The following NOS1 variants were observed in gnomAD, a reference collection of about 807,000 sequenced individuals.
NOS1 encodes the protein NOS type I.
Under a neutral mutation model 164.5 loss-of-function variants are expected in NOS1, and 51 were observed. That is an observed-to-expected ratio of 0.31 (90% CI 0.25 to 0.39). The LOEUF is 0.39. Ranked by LOEUF, NOS1 falls within the 10% of genes least tolerant of loss-of-function variation. The pLI, the probability that NOS1 is intolerant of heterozygous loss-of-function variation, is 1.00. For synonymous variants in NOS1, 719 were observed against 745.8 expected (o/e 0.96, Z 0.59); for missense variants, 1,362 against 1,885.6 (o/e 0.72, Z 5.14).
chr12:117,326,041 T>C (rs1163319396), intron 2 of NOS1, among the ~76,000 whole-genome samples: 1 of 152,216 alleles, frequency 6.6e-6, no homozygotes, highest in Non-Finnish European at 1.5e-5. Flanking sequence ...TAAACTGCTA[T>C]CCATGAATTA....
rs537681945 is a variant in NOS1 at position 117,318,221 on chromosome 12, G to A, written c.726-6629C>T. On this transcript the variant is annotated intron_variant, in intron 2 of 28. Transcript: ENST00000317775. ...TGAGCTCTCCTCCTAGAGAGTTTGA[G>A]TAGTGGGTCTAGGAGGGAACCCTAG... Among the ~76,000 whole-genome samples the A allele has an allele frequency of 2.6e-5, 4 of 152,232 alleles. No homozygotes were observed. The South Asian group carries it at 8.3e-4, about 32-fold the overall frequency.
intron 2 of NOS1, among the ~76,000 whole-genome samples, chr12:117,313,501 G>C (rs1289877905): frequency 2.0e-5 from 3 of 152,100 alleles, no homozygotes; most frequent in Non-Finnish European, 1.5e-5. Context: ...TCACTGTGTT[G>C]TGCAAGCTGG....
At chr12:117,271,838 G>A (rs989470214) in intron 10 of NOS1, among the ~76,000 whole-genome samples, 4 of 152,174 alleles carry the variant, frequency 2.6e-5, no homozygotes, top group African/African-American at 9.6e-5. Flanking sequence ...ACTCAGCCCG[G>A]GAGGGAATCA....
intron 27 of NOS1, 64 bp downstream of exon 27, chr12:117,220,011 G>A: frequency 3.4e-6 from 5 of 1,484,850 alleles, no homozygotes; most frequent in Non-Finnish European, 4.6e-6. Flanking sequence ...CAGGTTGGAT[G>A]AAAAAGGGGG....
Position 117,208,818 on chromosome 12 carries a change from G to C in NOS1, c.*6491C>G. ...GCTCACTGCAGCCTCTGCCTCCTGG[G>C]TTCAAGTAATTCTCCTGCCTCAGCC... is the stretch of plus-strand genomic sequence containing the variant. On this transcript the variant is annotated 3_prime_UTR_variant, in exon 29 of 29. Transcript: ENST00000317775. The C allele has an allele frequency of 1.2e-6, 1 of 816,252 alleles. No homozygotes were observed. The highest frequency in any genetic ancestry group is 1.2e-4 in the East Asian group (1 of 8,010). 50.6% of individuals were successfully genotyped at this position (816,252 alleles called of 1,614,324 possible).
chr12:117,338,597 A>G (rs936803449), intron 1 of NOS1, among the ~76,000 whole-genome samples: 2 of 152,096 alleles, frequency 1.3e-5, no homozygotes, highest in African/African-American at 4.8e-5. Context: ...CATGTACCCT[A>G]AAACTTAAAG....
chr12:117,270,851 C>CAAGAG (rs1872740647), intron 10 of NOS1, among the ~76,000 whole-genome samples: 1 of 152,044 alleles, frequency 6.6e-6, no homozygotes, highest in Non-Finnish European at 1.5e-5. Context: ...GCCTGGCCAA[C>CAAGAG]ATGGTGAAAC....
At chr12:117,304,936 T>C in intron 3 of NOS1, 1 of 877,238 alleles carries the variant, frequency 1.1e-6, no homozygotes, top group Non-Finnish European at 1.4e-6. Context: ...TGTTAGGAAG[T>C]TCTTCCTCAT....
At position 117,220,063 on chromosome 12, in the gene NOS1, C is replaced by T; in HGVS notation, c.4170+12G>A. The T allele has an allele frequency of 6.3e-7, 1 of 1,593,310 alleles. No individual in the cohort carries two copies. The highest frequency in any genetic ancestry group is 2.2e-5 in the East Asian group (1 of 44,632). On this transcript the variant is annotated intron_variant, in intron 27 of 28. Coordinates refer to ENST00000317775, the MANE Select transcript of NOS1 (RefSeq NM_000620.5). The stretch of plus-strand genomic sequence containing the variant: ...TAGGAAAAGGGACCTGGGAAGTCAG[C>T]CTGTCACTCACCCTCATCCGGCTGA...
intron 20 of NOS1, among the ~76,000 whole-genome samples, chr12:117,240,865 T>C (rs1170197558): frequency 1.3e-5 from 2 of 152,148 alleles, no homozygotes; most frequent in Non-Finnish European, 2.9e-5. Context: ...AGCCTACTCT[T>C]AGACATCACA....
chr12:117,289,996 T>A (rs1336065139), intron 4 of NOS1, among the ~76,000 whole-genome samples: 2 of 152,200 alleles, frequency 1.3e-5, no homozygotes. Flanking sequence ...TACTATCTGC[T>A]TTTTCTGGCT....
At chr12:117,222,325 AG>A (rs1487091456) in intron 26 of NOS1, among the ~76,000 whole-genome samples, 5 of 152,244 alleles carry the variant, frequency 3.3e-5, no homozygotes, top group Admixed American at 3.3e-4. Flanking sequence ...GCGCGATCTC[AG>A]CTCACTGCAA....
chr12:117,238,270 G>A (rs1305209315), intron 20 of NOS1, among the ~76,000 whole-genome samples: 1 of 152,024 alleles, frequency 6.6e-6, no homozygotes, highest in African/African-American at 2.4e-5. Context: ...CACTTGCATA[G>A]TAAAAGATTA....
At chr12:117,311,236 T>C (rs1173081044) in intron 3 of NOS1, among the ~76,000 whole-genome samples, 3 of 98,146 alleles carry the variant, frequency 3.1e-5, no homozygotes, top group South Asian at 3.7e-4. Context: ...AGAATTAAAA[T>C]GTGAAAAACG....
In NOS1 at chr12:117,356,576, C is replaced by T. The variant is rs1243547498; in HGVS notation, c.-421+4936G>A. 6.6e-6 allele frequency among the ~76,000 whole-genome samples: 1 copy of T among 152,222 alleles called. No homozygotes were observed. Among genetic ancestry groups the T allele is most frequent in the Admixed American group, 6.5e-5 (1 of 15,282 alleles). On this transcript the variant is annotated intron_variant, in intron 1 of 28. Coordinates refer to ENST00000317775, the MANE Select transcript of NOS1 (RefSeq NM_000620.5). This position sits in a 1 kb window ranked among gnomAD's most constrained non-coding sequence, Gnocchi z 4.2. Reference sequence around the variant, plus strand: ...GGCTCACACCACCTTTATCTGGGCACCTGCCCTTGGGGTCTAGCACTGGCC... The same window carrying T: ...GGCTCACACCACCTTTATCTGGGCATCTGCCCTTGGGGTCTAGCACTGGCC...
chr12:117,229,522 T>C (rs1185356380), intron 22 of NOS1, among the ~76,000 whole-genome samples: 1 of 152,200 alleles, frequency 6.6e-6, no homozygotes, highest in Admixed American at 6.5e-5. Flanking sequence ...CTGCACTTTT[T>C]GGAAGAAATG....
intron 13 of NOS1, among the ~76,000 whole-genome samples, chr12:117,263,575 CTATTATTATTATTATTATTATTAT>C (rs71099036): frequency 1.1e-4 from 15 of 141,900 alleles, no homozygotes; most frequent in Admixed American, 4.3e-4. Context: ...CAAGGTATTA[CTATTATTATTATTATTATTATTAT>C]TATTATTATT....
chr12:117,237,051 T>C (rs1755226745), intron 20 of NOS1, among the ~76,000 whole-genome samples: 1 of 152,214 alleles, frequency 6.6e-6, no homozygotes, highest in South Asian at 2.1e-4. Context: ...CTTTGATGCT[T>C]TGCTGGGAAG....
chr12:117,276,605 GC>G (rs1453301887), intron 9 of NOS1, among the ~76,000 whole-genome samples: 1 of 150,080 alleles, frequency 6.7e-6, no homozygotes, highest in African/African-American at 2.5e-5. Flanking sequence ...CCTCTTAACC[GC>G]CCCCATCTTC....
Sources: allele counts gnomAD v4.1 joint callset (sites outside exome capture counted in the v4.1 genomes callset), GRCh38; gene constraint gnomAD v4.1.1; non-coding constraint Gnocchi (gnomAD v3.1); transcripts MANE v1.5; gene names NCBI Gene and HGNC (gene_info 2026-07-23, HGNC 2026-07-21).